Variants in PLCXD3 observed in about 807,000 individuals in gnomAD.
PLCXD3 encodes phosphatidylinositol specific phospholipase C X domain containing 3, also known as PI-PLC X domain-containing protein 3.
In PLCXD3, 19 loss-of-function variants were observed where a neutral mutation model predicts 25.5. The observed-to-expected ratio is 0.75, with a 90% confidence interval of 0.52 to 1.09. The LOEUF (loss-of-function observed/expected upper bound fraction) is 1.09. Among genes scored for constraint, PLCXD3 ranks in the 50% least tolerant of loss-of-function variants. The probability of loss-of-function intolerance (pLI) is 0.00; values close to 1 mark genes in which losing one functional copy is unlikely to be tolerated. For synonymous variants in PLCXD3, 174 were observed against 137.6 expected (o/e 1.26, Z -1.85); for missense variants, 411 against 388.1 (o/e 1.06, Z -0.50).
intron 1 of PLCXD3, among the ~76,000 whole-genome samples, chr5:41,467,762 A>G (rs1748054022): frequency 6.6e-6 from 1 of 152,126 alleles, no homozygotes; most frequent in Non-Finnish European, 1.5e-5. Context: ...GTCTAATTGT[A>G]TTCTTCTAGA....
chr5:41,323,767 C>T (rs1333222935), intron 2 of PLCXD3, among the ~76,000 whole-genome samples: 1 of 152,046 alleles, frequency 6.6e-6, no homozygotes, highest in Non-Finnish European at 1.5e-5. Context: ...TCTAAAATGA[C>T]ATCTGATATG....
chr5:41,386,131 C>A lies in PLCXD3; in HGVS notation c.104-3597G>T, dbSNP rs371728816. 5.3e-5 allele frequency among the ~76,000 whole-genome samples: 8 copies of A among 152,126 alleles called. No homozygotes were observed. In the East Asian group the frequency reaches 9.7e-4, roughly 18 times the overall value. On this transcript the variant is annotated intron_variant, in intron 1 of 2. Transcript: ENST00000377801. ...AATGAAGGGACTTGTGGCCAATAGA[C>A]CCAACTGGCTAAAGGGAGGAGTTGG... is the stretch of plus-strand genomic sequence containing the variant.
chr5:41,467,931 G>A (rs890204539), intron 1 of PLCXD3, among the ~76,000 whole-genome samples: 2 of 148,314 alleles, frequency 1.3e-5, no homozygotes, highest in Admixed American at 6.7e-5. Context: ...CTGTTTTTAT[G>A]CAGGCAACAT....
intron 2 of PLCXD3, among the ~76,000 whole-genome samples, chr5:41,315,165 A>T (rs1204090434): frequency 6.6e-6 from 1 of 152,202 alleles, no homozygotes; most frequent in African/African-American, 2.4e-5. Flanking sequence ...CTGACAGCAT[A>T]TTGGAATGAG....
At chr5:41,357,467 A>G (rs2150483677) in intron 2 of PLCXD3, among the ~76,000 whole-genome samples, 1 of 152,336 alleles carries the variant, frequency 6.6e-6, no homozygotes, top group South Asian at 2.1e-4. Context: ...CTTTTATTAT[A>G]TTCTATGATA....
chr5:41,427,326 T>G (rs1372383761), intron 1 of PLCXD3, among the ~76,000 whole-genome samples: 1 of 152,148 alleles, frequency 6.6e-6, no homozygotes, highest in Non-Finnish European at 1.5e-5. Context: ...AGCTCTGTTT[T>G]CTAGTTCATT....
At chr5:41,508,832 G>A (rs1738943688) in intron 1 of PLCXD3, among the ~76,000 whole-genome samples, 1 of 152,244 alleles carries the variant, frequency 6.6e-6, no homozygotes, top group East Asian at 1.9e-4. Flanking sequence ...GCCTGTGGAA[G>A]TGAGAATGGA....
At chr5:41,362,966 T>C (rs1296452446) in intron 2 of PLCXD3, among the ~76,000 whole-genome samples, 1 of 152,202 alleles carries the variant, frequency 6.6e-6, no homozygotes, top group Non-Finnish European at 1.5e-5. Context: ...TATTTAGACA[T>C]CATATGATCA....
chr5:41,487,554 C>G (rs1010392377), intron 1 of PLCXD3, among the ~76,000 whole-genome samples: 1 of 152,012 alleles, frequency 6.6e-6, no homozygotes, highest in Non-Finnish European at 1.5e-5. Context: ...AACATATAAA[C>G]AAATAAAGTA....
At chr5:41,428,525 A>G (rs1166386455) in intron 1 of PLCXD3, among the ~76,000 whole-genome samples, 1 of 152,048 alleles carries the variant, frequency 6.6e-6, no homozygotes, top group African/African-American at 2.4e-5. Context: ...CTGCAAACCA[A>G]GAAGAGAAGC....
chr5:41,426,281 ATTTAT>A (rs1326143681), intron 1 of PLCXD3, among the ~76,000 whole-genome samples: 1 of 151,938 alleles, frequency 6.6e-6, no homozygotes, highest in Non-Finnish European at 1.5e-5. Flanking sequence ...CCTTTGGCTC[ATTTAT>A]TTTAATAGAG....
chr5:41,336,315 G>C (rs1390400079), intron 2 of PLCXD3, among the ~76,000 whole-genome samples: 1 of 152,090 alleles, frequency 6.6e-6, no homozygotes, highest in Admixed American at 6.6e-5. Context: ...ACTTATGTAA[G>C]AGAATAATAA....
In PLCXD3 at chr5:41,381,967, T is replaced by G. The variant is rs1745476098; in HGVS notation, c.671A>C (p.Lys224Thr). 1 of 1,613,364 alleles carries G rather than the reference T, an allele frequency of 6.2e-7. No individual in the cohort carries two copies. Among genetic ancestry groups the G allele is most frequent in the African/African-American group, 1.3e-5 (1 of 74,856 alleles). The part of the protein sequence containing the change: ...APWANTTDPE[K>T]LIQFLQASIT... ...GGATGCTTGAAGAAACTGGATCAGT[T>G]TCTCGGGGTCTGTGGTGTTGGCCCA... Residue 224 changes from lysine to threonine, a missense_variant, in exon 2 of 3, where the codon AAA (lysine) becomes ACA (threonine). By Grantham distance (78) the Lys-to-Thr change is moderately conservative. Transcript: ENST00000377801.
intron 2 of PLCXD3, among the ~76,000 whole-genome samples, chr5:41,330,927 G>C (rs371029813): frequency 6.6e-6 from 1 of 152,136 alleles, no homozygotes; most frequent in Non-Finnish European, 1.5e-5. Context: ...AATAAATTAG[G>C]TATTGATGGG....
chr5:41,482,720 T>C (rs1273836654), intron 1 of PLCXD3, among the ~76,000 whole-genome samples: 1 of 152,206 alleles, frequency 6.6e-6, no homozygotes, highest in Non-Finnish European at 1.5e-5. Context: ...AAAAGGTGTT[T>C]ATGTCAAAAA....
At chr5:41,328,688 A>G (rs1446606736) in intron 2 of PLCXD3, among the ~76,000 whole-genome samples, 3 of 152,188 alleles carry the variant, frequency 2.0e-5, no homozygotes, top group Non-Finnish European at 2.9e-5. Flanking sequence ...AGGGAAGCCT[A>G]CAGGAATCAG....
chr5:41,316,690 A>T (rs754880322), intron 2 of PLCXD3, among the ~76,000 whole-genome samples: 2 of 152,060 alleles, frequency 1.3e-5, no homozygotes, highest in African/African-American at 2.4e-5. Flanking sequence ...GAGATCTTGG[A>T]CCTTAAGGGA....
In PLCXD3 at chr5:41,467,957, A is replaced by C. The variant is rs144625785; in HGVS notation, c.103+42467T>G. 9.6e-4 allele frequency among the ~76,000 whole-genome samples: 144 copies of C among 150,036 alleles called. 5 individuals are homozygous for C. The highest frequency in any genetic ancestry group is 3.4e-3 in the African/African-American group (140 of 40,832). On this transcript the variant is annotated intron_variant, in intron 1 of 2. Coordinates refer to ENST00000377801, the MANE Select transcript of PLCXD3 (RefSeq NM_001005473.3). ...CAGGCAACATGATGTTTTGATTACA[A>C]TGACTTTATAATATGTTTTGAAATC... is the stretch of plus-strand genomic sequence containing the variant.
chr5:41,333,233 A>G (rs1743884866), intron 2 of PLCXD3, among the ~76,000 whole-genome samples: 1 of 152,094 alleles, frequency 6.6e-6, no homozygotes, highest in Admixed American at 6.6e-5. Flanking sequence ...TAAAATAATG[A>G]TCATGGATCT....
Sources: allele counts gnomAD v4.1 joint callset (sites outside exome capture counted in the v4.1 genomes callset), GRCh38; gene constraint gnomAD v4.1.1; transcripts MANE v1.5; gene names NCBI Gene and HGNC (gene_info 2026-07-23, HGNC 2026-07-21).